The following FRMD3 variants were observed in gnomAD, a reference collection of about 807,000 sequenced individuals.
FRMD3 encodes the protein FERM domain containing 3.
FRMD3 carries 33 observed loss-of-function variants against 70.2 expected under a neutral mutation model. That is an observed-to-expected ratio of 0.47 (90% CI 0.36 to 0.63). The LOEUF (loss-of-function observed/expected upper bound fraction) is 0.63. Ranked by LOEUF, FRMD3 falls within the 20% of genes least tolerant of loss-of-function variation. The pLI, the probability that FRMD3 is intolerant of heterozygous loss-of-function variation, is 0.00. For missense variants in FRMD3, 632 were observed against 711.4 expected (o/e 0.89, Z 1.27); for synonymous variants, 279 against 255.9 (o/e 1.09, Z -0.86).
chr9:83,270,944 A>G (rs1050161259), intron 13 of FRMD3, among the ~76,000 whole-genome samples: 22 of 151,900 alleles, frequency 1.4e-4, no homozygotes, highest in Non-Finnish European at 2.9e-4. Context: ...ATGTCTTAAC[A>G]TACTATTACG....
chr9:83,520,878 A>T (rs1280136213), intron 1 of FRMD3, among the ~76,000 whole-genome samples: 2 of 150,020 alleles, frequency 1.3e-5, no homozygotes, highest in Non-Finnish European at 2.9e-5. Context: ...TAATCCCAAG[A>T]CTTTGGGAAG....
chr9:83,494,859 GCGCGCGCGCA>G (rs1291698463), intron 1 of FRMD3, among the ~76,000 whole-genome samples: 1 of 115,418 alleles, frequency 8.7e-6, no homozygotes, highest in Non-Finnish European at 2.0e-5. Context: ...GTGTGTGTGT[GCGCGCGCGCA>G]TGTGCGTGTG....
intron 13 of FRMD3, among the ~76,000 whole-genome samples, chr9:83,254,561 T>C (rs187383893): frequency 1.3e-3 from 175 of 138,472 alleles, no homozygotes; most frequent in Non-Finnish European, 1.9e-3. Flanking sequence ...GATAGAGGCA[T>C]AAAAAAAAAA....
intron 2 of FRMD3, among the ~76,000 whole-genome samples, chr9:83,380,431 G>A (rs934529530): frequency 2.5e-4 from 38 of 152,274 alleles, no homozygotes; most frequent in African/African-American, 8.4e-4. Context: ...CACAGTCTAT[G>A]AACCTGAAGG....
intron 1 of FRMD3, among the ~76,000 whole-genome samples, chr9:83,468,976 A>C (rs1001334947): frequency 1.3e-5 from 2 of 152,220 alleles, no homozygotes; most frequent in African/African-American, 4.8e-5. Context: ...GAATGTATCC[A>C]AACACTCCAG....
chr9:83,293,332 T>C (rs1163431862), intron 12 of FRMD3, among the ~76,000 whole-genome samples: 1 of 152,186 alleles, frequency 6.6e-6, no homozygotes, highest in East Asian at 1.9e-4. Context: ...CATACTGTCA[T>C]TCCTGTGTGG....
At chr9:83,550,687 A>AGTGTGTGTGTGT in the FRMD3 span, among the ~76,000 whole-genome samples, 579 of 138,950 alleles carry the variant, frequency 4.2e-3, 6 homozygotes, top group South Asian at 7.4e-3. Flanking sequence ...AGTCCTAGGT[A>AGTGTGTGTGTGT]GTGTGTGTGT....
rs1403183862 is a variant in FRMD3 at position 83,488,998 on chromosome 9, G to A, written c.147+49087C>T. Among the ~76,000 whole-genome samples, 531 of 118,190 alleles carry A rather than the reference G, an allele frequency of 4.5e-3. 3 individuals carry two copies. Among genetic ancestry groups the A allele is most frequent in the African/African-American group, 0.015 (504 of 32,862 alleles). 77.5% of individuals were successfully genotyped at this position (118,190 alleles called of 152,430 possible). Reference sequence around the variant, plus strand: ...TGTGTGTGTGTGTGTGTGTGTGTGTGTGTGTGTGTGTGTGTGTGCTTGTGT... The same window carrying A: ...TGTGTGTGTGTGTGTGTGTGTGTGTATGTGTGTGTGTGTGTGTGCTTGTGT... On this transcript the variant is annotated intron_variant, in intron 1 of 13. Coordinates refer to ENST00000304195, the MANE Select transcript of FRMD3 (RefSeq NM_174938.6).
At chr9:83,582,086 C>A in the FRMD3 span, among the ~76,000 whole-genome samples, 1 of 150,432 alleles carries the variant, frequency 6.6e-6, no homozygotes, top group Non-Finnish European at 1.5e-5. Context: ...CTTTTTTTTT[C>A]TTTAGAGACA....
intron 1 of FRMD3, among the ~76,000 whole-genome samples, chr9:83,476,843 A>C (rs1256497355): frequency 2.6e-5 from 4 of 151,748 alleles, no homozygotes; most frequent in Non-Finnish European, 5.9e-5. Context: ...AGCAGCCTAC[A>C]CTTTTCCTTT....
chr9:83,366,533 A>C (rs1287454824), intron 3 of FRMD3, among the ~76,000 whole-genome samples: 3 of 152,094 alleles, frequency 2.0e-5, no homozygotes, highest in Non-Finnish European at 4.4e-5. Context: ...AGATTGTGCC[A>C]TTGTACTCCA....
intron 1 of FRMD3, among the ~76,000 whole-genome samples, chr9:83,509,221 G>C (rs1285628893): frequency 6.6e-6 from 1 of 152,146 alleles, no homozygotes; most frequent in East Asian, 1.9e-4. Context: ...TTGAATTGAT[G>C]AGCACAGCAA....
At chr9:83,392,228 G>A (rs1469314666) in intron 1 of FRMD3, among the ~76,000 whole-genome samples, 1 of 152,076 alleles carries the variant, frequency 6.6e-6, no homozygotes, top group Non-Finnish European at 1.5e-5. Context: ...TCTGCACGTT[G>A]CCCAGCAAGC....
intron 5 of FRMD3, among the ~76,000 whole-genome samples, chr9:83,340,589 T>G (rs891438781): frequency 2.6e-5 from 4 of 152,186 alleles, no homozygotes; most frequent in Non-Finnish European, 5.9e-5. Flanking sequence ...CTCTGTGGTG[T>G]TGTTTTGTAA....
intron 13 of FRMD3, among the ~76,000 whole-genome samples, chr9:83,268,365 T>G (rs557676663): frequency 1.7e-4 from 26 of 152,362 alleles, no homozygotes; most frequent in African/African-American, 6.3e-4. Flanking sequence ...AGCTGTGGTA[T>G]TCTTTGAACC....
At chr9:83,277,144 C>A (rs1833820569) in intron 13 of FRMD3, among the ~76,000 whole-genome samples, 2 of 151,892 alleles carry the variant, frequency 1.3e-5, no homozygotes, top group African/African-American at 4.8e-5. Context: ...TATTGTATGT[C>A]CATTGAATAT....
intron 4 of FRMD3, among the ~76,000 whole-genome samples, chr9:83,349,202 G>A (rs900013883): frequency 2.0e-5 from 3 of 152,204 alleles, no homozygotes; most frequent in Non-Finnish European, 4.4e-5. Flanking sequence ...AAAATTCGGA[G>A]AGTTGGGCTG....
chr9:83,390,318 G>A (rs1411427857), intron 1 of FRMD3, among the ~76,000 whole-genome samples: 2 of 152,230 alleles, frequency 1.3e-5, no homozygotes, highest in Non-Finnish European at 2.9e-5. Context: ...CGAGTCCACT[G>A]CAGCTCTGCC....
At chr9:83,507,308 A>T (rs1341839034) in intron 1 of FRMD3, among the ~76,000 whole-genome samples, 3 of 142,792 alleles carry the variant, frequency 2.1e-5, no homozygotes, top group African/African-American at 7.8e-5. Flanking sequence ...CAGAGGTTTC[A>T]GTGAGCCAAG....
Sources: allele counts gnomAD v4.1 joint callset (sites outside exome capture counted in the v4.1 genomes callset), GRCh38; gene constraint gnomAD v4.1.1; transcripts MANE v1.5; gene names NCBI Gene and HGNC (gene_info 2026-07-23, HGNC 2026-07-21).